The following ABCC6 variants were observed in gnomAD, a reference collection of about 807,000 sequenced individuals.
ABCC6 encodes ATP binding cassette subfamily C member 6.
Under a neutral mutation model 169.5 loss-of-function variants are expected in ABCC6, and 126 were observed. The observed-to-expected ratio is 0.74, with a 90% CI of 0.64 to 0.86. The LOEUF (loss-of-function observed/expected upper bound fraction) is 0.86. Among genes scored for constraint, ABCC6 ranks in the 40% least tolerant of loss-of-function variants. The pLI is 0.00. For missense variants in ABCC6, 1,733 were observed against 1,927.2 expected, an observed-to-expected ratio of 0.90 and a Z score of 1.89; for synonymous variants, 752 against 814.7, an observed-to-expected ratio of 0.92 and a Z score of 1.31.
intron 29 of ABCC6, 91 bp from the exon 30 acceptor site, chr16:16,150,863 G>C: frequency 6.5e-7 from 1 of 1,549,866 alleles, no homozygotes. Flanking sequence ...CTGAAGCAGT[G>C]CAGGAGTGAG....
At chr16:16,198,676 C>T (rs1793809921) in intron 9 of ABCC6, among the ~76,000 whole-genome samples, 1 of 151,104 alleles carries the variant, frequency 6.6e-6, no homozygotes, top group South Asian at 2.1e-4. Context: ...TAGTAAGACC[C>T]AAGCTCTACA....
chr16:16,176,990 T>G (rs1182532310), intron 19 of ABCC6, among the ~76,000 whole-genome samples: 2 of 152,198 alleles, frequency 1.3e-5, no homozygotes, highest in Admixed American at 6.5e-5. Flanking sequence ...GCACACTGTT[T>G]TTCTGGATTA....
At position 16,190,319 on chromosome 16, in the gene ABCC6, T is replaced by C. The variant is rs1481921651; in HGVS notation, c.1480A>G (p.Ile494Val). Residue 494 changes from isoleucine (I) to valine (V), a missense_variant, in exon 12 of 31, where the codon ATC (isoleucine) becomes GTC (valine). Ile to Val is a conservative substitution (Grantham distance 29). Around this residue, in one of 5 missense-constraint regions of ABCC6, gnomAD observed 1,601 missense variants for 1,635.5 expected, o/e 0.98. Coordinates refer to ENST00000205557, the MANE Select transcript of ABCC6 (RefSeq NM_001171.6). ...TTGATGGTCTTCGAGTTCCTGAGGATAGAGCTGGTGAGCCGTGCCCGTGAG... is the reference window on the plus strand; with the variant it reads ...TTGATGGTCTTCGAGTTCCTGAGGACAGAGCTGGTGAGCCGTGCCCGTGAG... ...KDSRARLTSS[I>V]LRNSKTIKFH... 1.2e-6 allele frequency: 2 copies of C among 1,614,172 alleles called. No individual in the cohort carries two copies. The highest frequency in any genetic ancestry group is 8.5e-7 in the Non-Finnish European group (1 of 1,180,040).
intron 18 of ABCC6, among the ~76,000 whole-genome samples, chr16:16,178,065 C>T (rs2047342207): frequency 6.6e-6 from 1 of 151,968 alleles, no homozygotes; most frequent in Non-Finnish European, 1.5e-5. Context: ...GTGGCTCATG[C>T]CTGTAATCCC....
intron 22 of ABCC6, among the ~76,000 whole-genome samples, 175 bp downstream of exon 22, chr16:16,169,471 C>T (rs950991814): frequency 2.0e-5 from 3 of 152,156 alleles, no homozygotes; most frequent in Non-Finnish European, 4.4e-5. Flanking sequence ...TGTGCCCTGT[C>T]CTTCCCGTTC....
intron 7 of ABCC6, among the ~76,000 whole-genome samples, chr16:16,207,995 G>A (rs2048448875): frequency 6.6e-6 from 1 of 151,350 alleles, no homozygotes; most frequent in African/African-American, 2.4e-5. Context: ...CATAAGCTAT[G>A]AGCTGGGGCT....
intron 19 of ABCC6, among the ~76,000 whole-genome samples, chr16:16,176,870 T>C (rs571254781): frequency 1.3e-5 from 2 of 152,232 alleles, no homozygotes; most frequent in Non-Finnish European, 2.9e-5. Flanking sequence ...AGGGGCATTA[T>C]GTTGATTAAA....
At chr16:16,193,749 T>C (rs535677503) in intron 10 of ABCC6, among the ~76,000 whole-genome samples, 14 of 152,298 alleles carry the variant, frequency 9.2e-5, no homozygotes, top group Non-Finnish European at 1.8e-4. Flanking sequence ...TTTCACTTTA[T>C]GGACTCGCCC....
In ABCC6 at chr16:16,177,499, AT is replaced by A. The variant is rs67867306; in HGVS notation, c.2542del (p.Met848CysfsTer83). On this transcript the variant is annotated frameshift_variant, in exon 19 of 31. Coordinates refer to ENST00000205557, the MANE Select transcript of ABCC6 (RefSeq NM_001171.6). LOFTEE classifies it high-confidence loss of function. ...CTGTCTGGCTTGATCCAGAAGACAC[AT>A]GAGGGCCCCCTTCCTCTGCAGAAGC... is the stretch of plus-strand genomic sequence containing the variant. ...QELLQRKGAL[M>X]CLLDQARQPG... is the part of the protein sequence containing the mutation. The A allele has an allele frequency of 2.0e-4, 319 of 1,614,154 alleles. 2 individuals are homozygous for A. The East Asian group carries it at 7.0e-3, about 35-fold the overall frequency.
intron 22 of ABCC6, among the ~76,000 whole-genome samples, chr16:16,168,971 C>G (rs1199647049): frequency 6.6e-6 from 1 of 152,150 alleles, no homozygotes; most frequent in Admixed American, 6.5e-5. Flanking sequence ...CTTCCAGCTA[C>G]TCAGGAAGCT....
chr16:16,163,023 C>T lies in ABCC6; in HGVS notation c.3476G>A (p.Arg1159Lys). ...AGCCACCAGTCGCGGGAAACTGATC[C>T]TCTGGCTTTCATCTACGCGAGCATT... is the stretch of plus-strand genomic sequence containing the variant. ...QNNARVDESQ[R>K]ISFPRLVADR... Residue 1159 changes from arginine to lysine, a missense_variant, in exon 24 of 31, where the codon AGG (arginine) becomes AAG (lysine). Arg to Lys is a conservative substitution (Grantham distance 26). Coordinates refer to ENST00000205557, the MANE Select transcript of ABCC6 (RefSeq NM_001171.6). The T allele has an allele frequency of 1.2e-6, 2 of 1,614,068 alleles. No individual in the cohort carries two copies. Among genetic ancestry groups the T allele is most frequent in the Non-Finnish European group, 1.7e-6 (2 of 1,180,030 alleles).
At chr16:16,180,781 G>A (rs572565643) in intron 17 of ABCC6, among the ~76,000 whole-genome samples, 10 of 152,144 alleles carry the variant, frequency 6.6e-5, no homozygotes, top group South Asian at 4.2e-4. Flanking sequence ...ATGAGCCACC[G>A]TACCCAGCCA....
intron 30 of ABCC6, 139 bp downstream of exon 30, chr16:16,150,439 C>T (rs1392627045): frequency 6.7e-7 from 1 of 1,495,090 alleles, no homozygotes; most frequent in Non-Finnish European, 9.0e-7. Context: ...GGCATGTGTT[C>T]CCGGGCATTC....
Position 16,150,625 on chromosome 16 carries a change from A to C in ABCC6, c.4356T>G (p.Thr1452=). Residue 1452 remains threonine, a synonymous_variant, in exon 30 of 31, where the codon ACT becomes ACG. Coordinates refer to ENST00000205557, the MANE Select transcript of ABCC6 (RefSeq NM_001171.6). ...AMLGSWFAQC[T]VLLIAHRLRS... ...GCAGGCGGTGGGCAATGAGCAGCAC[A>C]GTGCACTGTGCAAACCAGCTCCCGA... 1 of 1,613,540 alleles carries C rather than the reference A, an allele frequency of 6.2e-7. No individual in the cohort carries two copies. Among genetic ancestry groups the C allele is most frequent in the Non-Finnish European group, 8.5e-7 (1 of 1,179,924 alleles).
intron 26 of ABCC6, 101 bp downstream of exon 26, chr16:16,159,381 G>T: frequency 9.2e-7 from 1 of 1,092,402 alleles, no homozygotes; most frequent in Non-Finnish European, 1.4e-6. Context: ...GGGAGAAGAG[G>T]GTATAAACTC....
At chr16:16,196,412 T>G (rs1369460851) in intron 10 of ABCC6, among the ~76,000 whole-genome samples, 1 of 152,180 alleles carries the variant, frequency 6.6e-6, no homozygotes, top group Admixed American at 6.5e-5. Flanking sequence ...GTAAAAAGCA[T>G]CTACTGTCTT....
intron 15 of ABCC6, among the ~76,000 whole-genome samples, chr16:16,184,358 T>C (rs1421024124): frequency 3.3e-5 from 5 of 152,108 alleles, no homozygotes; most frequent in African/African-American, 4.8e-5. Flanking sequence ...TCTATCAGCA[T>C]GTCACCCCAC....
rs766400372 is a variant in ABCC6, at chr16:16,177,467, C to G, written c.2575G>C (p.Asp859His). 5 of 1,614,194 alleles carry G rather than the reference C, an allele frequency of 3.1e-6. No homozygotes were observed. Among genetic ancestry groups the G allele is most frequent in the Non-Finnish European group, 4.2e-6 (5 of 1,180,050 alleles). The change falls in exon 19 of 31, where the codon GAT becomes CAT. Residue 859 changes from aspartate (D) to histidine (H), a missense_variant. By Grantham distance (81) the Asp-to-His change is moderately conservative. Around this residue, in one of 5 missense-constraint regions of ABCC6, gnomAD observed 1,601 missense variants for 1,635.5 expected, o/e 0.98. Coordinates refer to ENST00000205557, the MANE Select transcript of ABCC6 (RefSeq NM_001171.6). ...CLLDQARQPG[D>H]RGEGETEPGT... ...CACCTAGTACCTCCTTCTCCTCTATCTCCTGGCTGTCTGGCTTGATCCAGA... is the reference window on the plus strand; with the variant it reads ...CACCTAGTACCTCCTTCTCCTCTATGTCCTGGCTGTCTGGCTTGATCCAGA...
At chr16:16,183,400 G>C (rs149442873) in intron 15 of ABCC6, among the ~76,000 whole-genome samples, 3 of 151,564 alleles carry the variant, frequency 2.0e-5, no homozygotes, top group African/African-American at 7.3e-5. Flanking sequence ...TCTTGGTCCC[G>C]CCCCACTCCT....
Sources: allele counts gnomAD v4.1 joint callset (sites outside exome capture counted in the v4.1 genomes callset), GRCh38; gene constraint gnomAD v4.1.1; regional missense constraint gnomAD v4.1.1; transcripts MANE v1.5; gene names NCBI Gene and HGNC (gene_info 2026-07-23, HGNC 2026-07-21).